MARCHF1: variants seen among roughly 807,000 people sequenced by gnomAD.
MARCHF1 encodes E3 ubiquitin-protein ligase MARCHF1.
A neutral mutation model predicts 54.2 loss-of-function variants in MARCHF1; 40 were observed. The observed-to-expected ratio is 0.74, with a 90% confidence interval of 0.57 to 0.96. The LOEUF (loss-of-function observed/expected upper bound fraction) is 0.96, where lower values mean the gene tolerates loss of function less well. Among genes scored for constraint, MARCHF1 ranks in the 40% least tolerant of loss-of-function variants. MARCHF1 has a pLI of 0.00. For synonymous variants in MARCHF1, 236 were observed against 236.3 expected, an observed-to-expected ratio of 1.00 and a Z score of 0.01; for missense variants, 586 against 656.5, an observed-to-expected ratio of 0.89 and a Z score of 1.17.
intron 2 of MARCHF1, among the ~76,000 whole-genome samples, chr4:164,064,939 T>G (rs1338482811): frequency 1.3e-5 from 2 of 152,226 alleles, no homozygotes; most frequent in Non-Finnish European, 2.9e-5. Context: ...TCTGTTTATG[T>G]GATGAATTAC....
intron 3 of MARCHF1, among the ~76,000 whole-genome samples, chr4:163,871,176 C>G (rs72685652): frequency 0.094 from 14,279 of 151,908 alleles, 694 homozygotes; most frequent in African/African-American, 0.12. Context: ...AGAAACCAAG[C>G]AAAGTAGTAA....
intron 1 of MARCHF1, among the ~76,000 whole-genome samples, chr4:164,124,222 A>G (rs757175837): frequency 3.3e-5 from 5 of 152,074 alleles, no homozygotes; most frequent in Non-Finnish European, 2.9e-5. Flanking sequence ...ATTACAATGA[A>G]ATATAATTTA....
At chr4:163,635,908 G>T (rs1262358683) in intron 5 of MARCHF1, among the ~76,000 whole-genome samples, 1 of 152,160 alleles carries the variant, frequency 6.6e-6, no homozygotes, top group East Asian at 1.9e-4. Flanking sequence ...GATCAAGTGG[G>T]CTTCATCCCT....
chr4:164,142,209 T>G (rs1290316728), intron 1 of MARCHF1, among the ~76,000 whole-genome samples: 1 of 152,180 alleles, frequency 6.6e-6, no homozygotes, highest in Non-Finnish European at 1.5e-5. Flanking sequence ...CACAGCAGTC[T>G]GAGATCAAAC....
chr4:163,621,190 C>T (rs902877150), intron 5 of MARCHF1, among the ~76,000 whole-genome samples: 1 of 152,148 alleles, frequency 6.6e-6, no homozygotes, highest in Admixed American at 6.5e-5. Context: ...TACTAATTCT[C>T]AGTATGTCAT....
chr4:164,169,745 A>C (rs1447362304), intron 1 of MARCHF1, among the ~76,000 whole-genome samples: 1 of 152,056 alleles, frequency 6.6e-6, no homozygotes, highest in Non-Finnish European at 1.5e-5. Flanking sequence ...AATCATGACC[A>C]CTCAGGACTG....
intron 1 of MARCHF1, among the ~76,000 whole-genome samples, chr4:164,115,893 C>G (rs1019178165): frequency 5.3e-5 from 8 of 151,970 alleles, no homozygotes; most frequent in African/African-American, 1.9e-4. Context: ...CAGAAAGCAA[C>G]ACATTTCAGT....
chr4:164,070,208 A>C (rs1754833625), intron 2 of MARCHF1, among the ~76,000 whole-genome samples: 1 of 152,228 alleles, frequency 6.6e-6, no homozygotes, highest in South Asian at 2.1e-4. Context: ...CAGTGAACCT[A>C]AACATATACC....
At position 163,528,654 on chromosome 4, in the gene MARCHF1, G is replaced by A; in HGVS notation, c.*94C>T. The A allele has an allele frequency of 1.6e-6, 2 of 1,289,608 alleles. No homozygotes were observed. The highest frequency in any genetic ancestry group is 2.1e-6 in the Non-Finnish European group (2 of 932,940). 79.9% of individuals were successfully genotyped at this position (1,289,608 alleles called of 1,614,324 possible). ...GTGTCAGTAGGAGAAAGGAGGAGCT[G>A]AAGGGAGTAAATAATTCAAGATCAC... On this transcript the variant is annotated 3_prime_UTR_variant, in exon 10 of 10. Transcript: ENST00000514618.
At chr4:163,814,126 T>C (rs193118799) in intron 4 of MARCHF1, among the ~76,000 whole-genome samples, 12 of 152,290 alleles carry the variant, frequency 7.9e-5, no homozygotes, top group African/African-American at 2.4e-4. Context: ...TAGCAGAATA[T>C]GTTCCATCTG....
intron 1 of MARCHF1, among the ~76,000 whole-genome samples, chr4:164,255,697 A>T (rs1189152005): frequency 3.3e-5 from 5 of 152,150 alleles, no homozygotes; most frequent in African/African-American, 4.8e-5. Context: ...GGACAAAAAA[A>T]GTCAAATGAT....
intron 3 of MARCHF1, among the ~76,000 whole-genome samples, chr4:163,964,768 G>A (rs1414014828): frequency 6.6e-6 from 1 of 151,768 alleles, no homozygotes. Context: ...CATCTACTAG[G>A]ATGTCCTCCA....
At chr4:163,856,337 T>C (rs1293044252) in intron 3 of MARCHF1, among the ~76,000 whole-genome samples, 1 of 152,218 alleles carries the variant, frequency 6.6e-6, no homozygotes, top group Non-Finnish European at 1.5e-5. Context: ...AATATGTTAA[T>C]AATAATCATT....
At chr4:163,875,928 T>C (rs1201881042) in intron 3 of MARCHF1, among the ~76,000 whole-genome samples, 1 of 152,080 alleles carries the variant, frequency 6.6e-6, no homozygotes, top group Non-Finnish European at 1.5e-5. Context: ...AAAGTAGATT[T>C]AAGGCAGAGA....
chr4:164,368,046 T>TA (rs34316017), intron 1 of MARCHF1, among the ~76,000 whole-genome samples: 76,810 of 149,518 alleles, frequency 0.51, 20,461 homozygotes, highest in East Asian at 0.65. Flanking sequence ...AAAAAAGATT[T>TA]AAAAAAAGAC....
chr4:163,837,167 T>A (rs1442200622), intron 4 of MARCHF1, among the ~76,000 whole-genome samples: 2 of 152,170 alleles, frequency 1.3e-5, no homozygotes, highest in Non-Finnish European at 2.9e-5. Flanking sequence ...AAGCAATATG[T>A]GTCAGAAGGA....
chr4:163,588,769 G>A (rs192239725), intron 7 of MARCHF1, among the ~76,000 whole-genome samples: 1 of 152,148 alleles, frequency 6.6e-6, no homozygotes, highest in Non-Finnish European at 1.5e-5. Context: ...AGACCATCTG[G>A]CTGCAGAAAC....
intron 5 of MARCHF1, among the ~76,000 whole-genome samples, chr4:163,615,324 G>A (rs1741475577): frequency 1.3e-5 from 2 of 152,156 alleles, no homozygotes; most frequent in East Asian, 3.9e-4. Context: ...CATTTGTTAA[G>A]AGACCTAAAG....
intron 8 of MARCHF1, among the ~76,000 whole-genome samples, chr4:163,553,642 C>CCAGTAACT (rs1560938422): frequency 2.0e-5 from 3 of 152,056 alleles, no homozygotes; most frequent in African/African-American, 7.3e-5. Flanking sequence ...AATATATGCC[C>CCAGTAACT]CAGTAACTTC....
Sources: allele counts gnomAD v4.1 joint callset (sites outside exome capture counted in the v4.1 genomes callset), GRCh38; gene constraint gnomAD v4.1.1; transcripts MANE v1.5; gene names NCBI Gene and HGNC (gene_info 2026-07-23, HGNC 2026-07-21).